The following ETS1 variants were observed in gnomAD, a reference collection of about 807,000 sequenced individuals.
The protein encoded by ETS1 is ETS proto-oncogene 1, transcription factor.
Under a neutral mutation model 58.6 loss-of-function variants are expected in ETS1, and 15 were observed. That is an observed-to-expected ratio of 0.26 (90% CI 0.17 to 0.39). The LOEUF is 0.39. Among genes scored for constraint, ETS1 ranks in the 10% least tolerant of loss-of-function variants. ETS1 has a pLI of 1.00. For missense variants in ETS1, 417 were observed against 610.5 expected, an observed-to-expected ratio of 0.68 and a Z score of 3.34; for synonymous variants, 214 against 218.2, an observed-to-expected ratio of 0.98 and a Z score of 0.17.
At chr11:128,519,008 C>T (rs1021102744) in intron 3 of ETS1, among the ~76,000 whole-genome samples, 1 of 152,282 alleles carries the variant, frequency 6.6e-6, no homozygotes, top group African/African-American at 2.4e-5. Flanking sequence ...GCTTTGGCAC[C>T]TGGCCCCTTC....
At chr11:128,489,238 T>A in intron 5 of ETS1, 52 bp downstream of exon 5, 2 of 1,530,116 alleles carry the variant, frequency 1.3e-6, no homozygotes, top group Admixed American at 3.3e-5. Flanking sequence ...CCCTACCTAC[T>A]CTCACAGCAA....
At chr11:128,476,637 G>T (rs1862330501) in intron 8 of ETS1, among the ~76,000 whole-genome samples, 1 of 152,228 alleles carries the variant, frequency 6.6e-6, no homozygotes, top group African/African-American at 2.4e-5. Flanking sequence ...AGAGGAAGAA[G>T]AGATGCCTAT....
At chr11:128,525,004 C>T (rs1863772959) in intron 3 of ETS1, among the ~76,000 whole-genome samples, 1 of 149,486 alleles carries the variant, frequency 6.7e-6, no homozygotes, top group Admixed American at 6.7e-5. Context: ...ACTTCAATAC[C>T]ATATCTGGTT....
intron 3 of ETS1, among the ~76,000 whole-genome samples, chr11:128,504,056 G>C (rs1463652400): frequency 3.3e-5 from 5 of 152,142 alleles, no homozygotes; most frequent in African/African-American, 9.7e-5. Context: ...AGACTTCGGG[G>C]ATTTAGGCAA....
At chr11:128,579,529 T>C (rs1258287638) in intron 1 of ETS1, among the ~76,000 whole-genome samples, 1 of 151,816 alleles carries the variant, frequency 6.6e-6, no homozygotes, top group East Asian at 1.9e-4. Flanking sequence ...GGTGTGGTGG[T>C]ACATGCCTGT....
At chr11:128,528,529 G>A (rs1271732230) in intron 3 of ETS1, among the ~76,000 whole-genome samples, 2 of 152,104 alleles carry the variant, frequency 1.3e-5, no homozygotes, top group Non-Finnish European at 2.9e-5. Flanking sequence ...TTGAATATGC[G>A]TGTCAGTCTC....
intron 5 of ETS1, among the ~76,000 whole-genome samples, chr11:128,488,880 G>A (rs1035747850): frequency 6.6e-6 from 1 of 152,180 alleles, no homozygotes; most frequent in Non-Finnish European, 1.5e-5. Context: ...GGGATGTGAT[G>A]AGGTATTATG....
chr11:128,472,097 T>C (rs1410556272), intron 8 of ETS1, among the ~76,000 whole-genome samples: 1 of 152,082 alleles, frequency 6.6e-6, no homozygotes, highest in Admixed American at 6.6e-5. Flanking sequence ...TGCATGGAGG[T>C]AGCGGAACAA....
chr11:128,523,636 T>G (rs942866884), intron 3 of ETS1, among the ~76,000 whole-genome samples: 2 of 152,240 alleles, frequency 1.3e-5, no homozygotes, highest in East Asian at 3.8e-4. Context: ...AATTTGCAGA[T>G]TTCCCACAGC....
At chr11:128,521,251 T>A (rs1863659440) in intron 3 of ETS1, among the ~76,000 whole-genome samples, 1 of 152,206 alleles carries the variant, frequency 6.6e-6, no homozygotes, top group African/African-American at 2.4e-5. Context: ...GATGCTTTCC[T>A]TCCAACGGAC....
Position 128,462,414 on chromosome 11 carries a change from T to C in ETS1, c.1405A>G (p.Thr469Ala). 6.2e-7 allele frequency: 1 copy of C among 1,614,182 alleles called. No individual in the cohort carries two copies. The highest frequency in any genetic ancestry group is 8.5e-7 in the Non-Finnish European group (1 of 1,180,032). Reference protein sequence around the residue: ...VCDLQSLLGYTPEELHAMLDV... With the variant: ...VCDLQSLLGYAPEELHAMLDV... ...AGCATGGCGTGCAGCTCCTCAGGGG[T>C]GTACCCCAGCAGGCTCTGCAGGTCA... The change falls in exon 10 of 10, where the codon ACC becomes GCC. Residue 469 changes from threonine to alanine, a missense_variant. Coordinates refer to ENST00000392668, the MANE Select transcript of ETS1 (RefSeq NM_001143820.2).
At chr11:128,554,957 C>T (rs768356043) in intron 3 of ETS1, among the ~76,000 whole-genome samples, 1 of 152,168 alleles carries the variant, frequency 6.6e-6, no homozygotes, top group African/African-American at 2.4e-5. Context: ...ATCCTCCTGG[C>T]TCCCTTGTGA....
chr11:128,465,626 T>C (rs1862013032), intron 8 of ETS1, among the ~76,000 whole-genome samples: 1 of 152,110 alleles, frequency 6.6e-6, no homozygotes, highest in Admixed American at 6.6e-5. Context: ...ACGATAACTA[T>C]AGAGACTGAA....
At chr11:128,537,428 A>G (rs1223530605) in intron 3 of ETS1, among the ~76,000 whole-genome samples, 2 of 152,196 alleles carry the variant, frequency 1.3e-5, no homozygotes, top group Non-Finnish European at 2.9e-5. Context: ...GGAGGTGGAT[A>G]CAGTAGGATC....
chr11:128,536,068 C>T (rs577825670), intron 3 of ETS1, among the ~76,000 whole-genome samples: 1 of 152,268 alleles, frequency 6.6e-6, no homozygotes, highest in South Asian at 2.1e-4. Flanking sequence ...ATTACTCTCC[C>T]TTACCACAGT....
chr11:128,476,490 T>C (rs1009493644), intron 8 of ETS1, among the ~76,000 whole-genome samples: 1 of 152,256 alleles, frequency 6.6e-6, no homozygotes, highest in Non-Finnish European at 1.5e-5. Flanking sequence ...TGCAATTACA[T>C]ACATGGCCTT....
intron 1 of ETS1, among the ~76,000 whole-genome samples, chr11:128,580,176 T>TAAA (rs140049360): frequency 9.8e-6 from 1 of 102,370 alleles, no homozygotes; most frequent in Non-Finnish European, 1.9e-5. Flanking sequence ...GTTTGGACAT[T>TAAA]AAAAAAAAAA....
At chr11:128,575,175 T>C (rs1864718501) in intron 1 of ETS1, among the ~76,000 whole-genome samples, 1 of 152,152 alleles carries the variant, frequency 6.6e-6, no homozygotes, top group Non-Finnish European at 1.5e-5. Context: ...ATACTATGTG[T>C]TTTCCTATAC....
chr11:128,480,393 G>A lies in ETS1; in HGVS notation c.921C>T (p.Arg307=), dbSNP rs118149282. 9.5e-3 allele frequency: 15,272 copies of A among 1,614,070 alleles called. 90 individuals are homozygous for A. The highest frequency in any genetic ancestry group is 0.011 in the Non-Finnish European group (13,119 of 1,179,974). The part of the protein sequence containing the change: ...ESIESYDSCD[R]LTQSWSSQSS... Reference sequence around the variant, plus strand: ...ACTGGCTGCTCCAGGACTGGGTGAGGCGATCACAACTATCGTAGCTCTCTA... The same window carrying A: ...ACTGGCTGCTCCAGGACTGGGTGAGACGATCACAACTATCGTAGCTCTCTA... The change falls in exon 8 of 10, where the codon CGC becomes CGT. Residue 307 remains arginine (R), a synonymous_variant. Coordinates refer to ENST00000392668, the MANE Select transcript of ETS1 (RefSeq NM_001143820.2).
Sources: allele counts gnomAD v4.1 joint callset (sites outside exome capture counted in the v4.1 genomes callset), GRCh38; gene constraint gnomAD v4.1.1; transcripts MANE v1.5; gene names NCBI Gene and HGNC (gene_info 2026-07-23, HGNC 2026-07-21).